PDPR: variants seen among roughly 807,000 people sequenced by gnomAD.
PDPR encodes the protein pyruvate dehydrogenase phosphatase regulatory subunit, also known as pyruvate dehydrogenase phosphatase regulatory subunit, mitochondrial.
In PDPR, 50 loss-of-function variants were observed where a neutral mutation model predicts 102.2. The ratio of observed to expected loss-of-function variants is 0.49; its 90% confidence interval spans 0.39 to 0.62. PDPR has a LOEUF of 0.62. Among genes scored for constraint, PDPR ranks in the 20% least tolerant of loss-of-function variants. The pLI is 0.00. For missense variants in PDPR, 625 were observed against 1,098.2 expected, an observed-to-expected ratio of 0.57 and a Z score of 6.09; for synonymous variants, 259 against 406.0, an observed-to-expected ratio of 0.64 and a Z score of 4.35.
At chr16:70,136,664 C>A (rs1965171937) in intron 10 of PDPR, among the ~76,000 whole-genome samples, 1 of 152,172 alleles carries the variant, frequency 6.6e-6, no homozygotes, top group African/African-American at 2.4e-5. Context: ...TCAGTTATAA[C>A]AAATATTGGT....
At chr16:70,115,812 A>G (rs1962580397) in intron 2 of PDPR, among the ~76,000 whole-genome samples, 1 of 152,008 alleles carries the variant, frequency 6.6e-6, no homozygotes, top group Admixed American at 6.6e-5. Flanking sequence ...TAAAAACTCT[A>G]TCATTTGTTT....
At position 70,158,381 on chromosome 16, in the gene PDPR, C is replaced by G. The variant is rs984745240; in HGVS notation, c.*1502C>G. On this transcript the variant is annotated 3_prime_UTR_variant, in exon 19 of 19. Transcript: ENST00000288050. Reference sequence around the variant, plus strand: ...CTTGGAAGCATTAGCTCTGATAGGTCTATAAGTGTATTAAGGGACATCCTT... The same window carrying G: ...CTTGGAAGCATTAGCTCTGATAGGTGTATAAGTGTATTAAGGGACATCCTT... 6 of 152,610 alleles carry G rather than the reference C, an allele frequency of 3.9e-5. No individual in the cohort carries two copies. Among genetic ancestry groups the G allele is most frequent in the Admixed American group, 2.6e-4 (4 of 15,288 alleles). The allele number at this position is 152,610 out of a possible 1,614,324, so 9.5% of individuals were successfully genotyped here. A position where few individuals can be genotyped will look rare whatever the true frequency, so the allele number is the denominator to read the frequency against.
At chr16:70,141,596 C>G (rs2549121) in intron 11 of PDPR, among the ~76,000 whole-genome samples, 897 of 151,790 alleles carry the variant, frequency 5.9e-3, no homozygotes, top group African/African-American at 0.02. Flanking sequence ...TAGTAACCTT[C>G]TTCTCTGCTA....
chr16:70,161,487 G>A lies in PDPR; in HGVS notation c.*4608G>A, dbSNP rs1013936466. On this transcript the variant is annotated 3_prime_UTR_variant, in exon 19 of 19. Transcript: ENST00000288050. ...GGCACATGGATTCAGGAGAAGCACA[G>A]TTGAGTGGAAGAAATGGTAGACTTG... 3.3e-5 allele frequency: 5 copies of A among 153,124 alleles called. No individual in the cohort carries two copies. Among genetic ancestry groups the A allele is most frequent in the Non-Finnish European group, 5.8e-5 (4 of 68,710 alleles). 9.5% of individuals were successfully genotyped at this position (153,124 alleles called of 1,614,324 possible). A position where few individuals can be genotyped will look rare whatever the true frequency, so the allele number is the denominator to read the frequency against.
At chr16:70,136,809 C>T (rs550314816) in intron 10 of PDPR, among the ~76,000 whole-genome samples, 60 of 152,310 alleles carry the variant, frequency 3.9e-4, no homozygotes, top group African/African-American at 1.4e-3. Context: ...GTGACATGAT[C>T]TCAGGTCACT....
chr16:70,153,112 AT>A (rs1298202761), intron 17 of PDPR, among the ~76,000 whole-genome samples: 1 of 152,298 alleles, frequency 6.6e-6, no homozygotes, highest in East Asian at 1.9e-4. Flanking sequence ...ATAAATTATT[AT>A]TTAAGAATTG....
In PDPR at chr16:70,157,060, C is replaced by T. The variant is rs1297510068; in HGVS notation, c.*181C>T. On this transcript the variant is annotated 3_prime_UTR_variant, in exon 19 of 19. Coordinates refer to ENST00000288050, the MANE Select transcript of PDPR (RefSeq NM_017990.5). ...CTTTTTTGCTCTGCAGCCTTCCTTG[C>T]CCTTCCACCTCCTCCTCCTAATATT... The T allele has an allele frequency of 5.9e-6, 5 of 848,762 alleles. No homozygotes were observed. The East Asian group carries it at 1.1e-4, about 18-fold the overall frequency. 52.6% of individuals were successfully genotyped at this position (848,762 alleles called of 1,614,324 possible).
chr16:70,119,912 G>GTT (rs1963046566), intron 2 of PDPR, among the ~76,000 whole-genome samples: 2 of 74,596 alleles, frequency 2.7e-5, no homozygotes, highest in African/African-American at 2.0e-4. Context: ...TTTTTTTTTT[G>GTT]TTTGTTTGTT....
At chr16:70,128,519 C>T (rs1964209935) in intron 4 of PDPR, among the ~76,000 whole-genome samples, 1 of 152,260 alleles carries the variant, frequency 6.6e-6, no homozygotes, top group Non-Finnish European at 1.5e-5. Flanking sequence ...TGAGCCACTA[C>T]ACCTGGCCTA....
At chr16:70,115,347 C>T (rs939768224) in intron 2 of PDPR, among the ~76,000 whole-genome samples, 26 of 152,284 alleles carry the variant, frequency 1.7e-4, no homozygotes, top group African/African-American at 6.0e-4. Flanking sequence ...TGGTCTCGAA[C>T]TCCTGACCTC....
chr16:70,135,357 C>T (rs1271852958), intron 9 of PDPR, among the ~76,000 whole-genome samples: 12 of 152,340 alleles, frequency 7.9e-5, no homozygotes, highest in East Asian at 1.9e-4. Flanking sequence ...CTGCCTCAGC[C>T]TCCCGAGTAG....
At chr16:70,156,105 C>T (rs1344390543) in intron 18 of PDPR, among the ~76,000 whole-genome samples, 4 of 152,254 alleles carry the variant, frequency 2.6e-5, no homozygotes, top group African/African-American at 7.2e-5. Flanking sequence ...CTGTTCAAGG[C>T]GTGAGCCACC....
chr16:70,124,248 A>T (rs1405442786), intron 3 of PDPR, among the ~76,000 whole-genome samples: 1 of 152,356 alleles, frequency 6.6e-6, no homozygotes, highest in East Asian at 1.9e-4. Context: ...CTGTAATTGT[A>T]GCTACTCAGG....
chr16:70,115,799 C>A (rs1962578118), intron 2 of PDPR, among the ~76,000 whole-genome samples: 1 of 152,024 alleles, frequency 6.6e-6, no homozygotes, highest in African/African-American at 2.4e-5. Context: ...TTTTCCAGAA[C>A]TGTAAAAACT....
At chr16:70,136,827 C>T (rs1351577247) in intron 10 of PDPR, among the ~76,000 whole-genome samples, 1 of 152,218 alleles carries the variant, frequency 6.6e-6, no homozygotes, top group East Asian at 1.9e-4. Context: ...ACTGCAACCT[C>T]CACCTCCTGG....
chr16:70,152,748 G>T (rs902891927), intron 17 of PDPR, among the ~76,000 whole-genome samples: 1 of 152,292 alleles, frequency 6.6e-6, no homozygotes, highest in Admixed American at 6.5e-5. Flanking sequence ...CGTATGTTCA[G>T]ACAGGGATTG....
At chr16:70,133,755 T>TG (rs1216378540) in intron 9 of PDPR, among the ~76,000 whole-genome samples, 1 of 150,868 alleles carries the variant, frequency 6.6e-6, no homozygotes, top group African/African-American at 2.4e-5. Flanking sequence ...TTTTTTGAGA[T>TG]GGAGTTTCAC....
chr16:70,121,335 A>G (rs1467530877), intron 3 of PDPR, among the ~76,000 whole-genome samples: 1 of 151,888 alleles, frequency 6.6e-6, no homozygotes, highest in Non-Finnish European at 1.5e-5. Flanking sequence ...GAGATTACAG[A>G]ATGGATTCTT....
intron 3 of PDPR, among the ~76,000 whole-genome samples, chr16:70,125,503 G>A (rs1393485520): frequency 2.0e-5 from 3 of 146,366 alleles, no homozygotes; most frequent in African/African-American, 5.1e-5. Context: ...GCAGTAAGCC[G>A]AGATTGTGCC....
Sources: gnomAD v4.1 joint callset for allele counts (sites outside exome capture counted in the v4.1 genomes callset) on GRCh38, gnomAD v4.1.1 for gene constraint, MANE v1.5 for transcripts, NCBI Gene and HGNC (gene_info 2026-07-23, HGNC 2026-07-21) for gene names.